The following MED13L variants were observed in gnomAD, a reference collection of about 807,000 sequenced individuals.
MED13L encodes the protein mediator of RNA polymerase II transcription subunit 13-like.
In MED13L, 7 loss-of-function variants were observed where a neutral mutation model predicts 220.9. The ratio of observed to expected loss-of-function variants is 0.03; its 90% CI spans 0.02 to 0.06. The LOEUF (loss-of-function observed/expected upper bound fraction) is 0.06. Among genes scored for constraint, MED13L ranks in the 10% least tolerant of loss-of-function variants. The probability of loss-of-function intolerance (pLI) is 1.00; values close to 1 mark genes in which losing one functional copy is unlikely to be tolerated. For missense variants in MED13L, 1,965 were observed against 2,760.5 expected (o/e 0.71, Z 6.46); for synonymous variants, 1,011 against 1,015.2 (o/e 1.00, Z 0.08).
intron 4 of MED13L, among the ~76,000 whole-genome samples, chr12:116,082,113 T>A (rs750051147): frequency 6.6e-6 from 1 of 152,208 alleles, no homozygotes; most frequent in African/African-American, 2.4e-5. Context: ...TTACTTCCAA[T>A]GACAGACTAT....
intron 2 of MED13L, among the ~76,000 whole-genome samples, chr12:116,203,415 GTT>G (rs34200641): frequency 2.1e-5 from 3 of 143,746 alleles, no homozygotes; most frequent in Admixed American, 1.4e-4. Context: ...TTTGTTTTGT[GTT>G]TTTTTTTTTG....
At chr12:116,251,757 T>C (rs1338478468) in intron 1 of MED13L, among the ~76,000 whole-genome samples, 2 of 146,992 alleles carry the variant, frequency 1.4e-5, no homozygotes, top group Non-Finnish European at 3.0e-5. Context: ...CAAGACTCTG[T>C]CTCAAAAAAA....
At chr12:116,042,547 A>C (rs1438492343) in intron 4 of MED13L, among the ~76,000 whole-genome samples, 2 of 152,258 alleles carry the variant, frequency 1.3e-5, no homozygotes, top group Non-Finnish European at 2.9e-5. Context: ...TGAAGATACC[A>C]TTCTAAAACT....
rs182422101 is a variant in MED13L, at chr12:116,073,215, A to T, written c.479+23454T>A. Among the ~76,000 whole-genome samples, 368 of 152,080 alleles carry T rather than the reference A, an allele frequency of 2.4e-3. 2 individuals carry two copies. The highest frequency in any genetic ancestry group is 4.5e-3 in the East Asian group (23 of 5,168). On this transcript the variant is annotated intron_variant, in intron 4 of 30. Transcript: ENST00000281928. Reference sequence around the variant, plus strand: ...TTTTAATTTTTAAACTCTAATTTTTAAAAAAAAGTACTTAAATCATGGAAG... The same window carrying T: ...TTTTAATTTTTAAACTCTAATTTTTTAAAAAAAGTACTTAAATCATGGAAG...
At chr12:116,227,185 G>A (rs1869090304) in intron 2 of MED13L, among the ~76,000 whole-genome samples, 2 of 152,192 alleles carry the variant, frequency 1.3e-5, no homozygotes, top group Middle Eastern at 3.4e-3. Context: ...GTAGCCTTCT[G>A]CTTCACCAAT....
At chr12:116,073,214 T>TA (rs1443333018) in intron 4 of MED13L, among the ~76,000 whole-genome samples, 3 of 151,836 alleles carry the variant, frequency 2.0e-5, no homozygotes, top group South Asian at 2.1e-4. Context: ...CTCTAATTTT[T>TA]AAAAAAAAGT....
In MED13L at chr12:115,983,111, A is replaced by C; in HGVS notation, c.4955+6T>G. On this transcript the variant is annotated splice_donor_region_variant and intron_variant, in intron 21 of 30. Coordinates refer to ENST00000281928, the MANE Select transcript of MED13L (RefSeq NM_015335.5). ...AGCCACTCATCTCAATTAGTGAATAACATACCTCTCTTGTCCATCCTGTGA... is the reference window on the plus strand; with the variant it reads ...AGCCACTCATCTCAATTAGTGAATACCATACCTCTCTTGTCCATCCTGTGA... The C allele has an allele frequency of 6.2e-7, 1 of 1,613,888 alleles. No individual in the cohort carries two copies. Among genetic ancestry groups the C allele is most frequent in the Non-Finnish European group, 8.5e-7 (1 of 1,179,924 alleles).
chr12:116,102,953 T>C (rs1565878682), intron 3 of MED13L, among the ~76,000 whole-genome samples: 1 of 151,912 alleles, frequency 6.6e-6, no homozygotes, highest in Non-Finnish European at 1.5e-5. Flanking sequence ...CCTGATCTTG[T>C]GATCCGCCTG....
chr12:116,019,670 TA>T (rs1360964826), intron 6 of MED13L, 107 bp downstream of exon 6: 6 of 1,361,352 alleles, frequency 4.4e-6, no homozygotes, highest in Non-Finnish European at 6.2e-6. Flanking sequence ...AGAATTTCTT[TA>T]AAAAGATGGG....
At chr12:116,077,052 C>T (rs1012289277) in intron 4 of MED13L, among the ~76,000 whole-genome samples, 32 of 152,304 alleles carry the variant, frequency 2.1e-4, no homozygotes, top group South Asian at 1.7e-3. Context: ...CTTACTGCTG[C>T]TTCCCTCCTC....
At chr12:116,219,826 C>T (rs1399848163) in intron 2 of MED13L, among the ~76,000 whole-genome samples, 1 of 152,166 alleles carries the variant, frequency 6.6e-6, no homozygotes, top group Non-Finnish European at 1.5e-5. Context: ...GAGACAGAGT[C>T]TCGCTCTGTC....
intron 2 of MED13L, among the ~76,000 whole-genome samples, chr12:116,190,278 A>C (rs1756563265): frequency 6.6e-6 from 1 of 152,230 alleles, no homozygotes; most frequent in African/African-American, 2.4e-5. Context: ...AAAATCATGA[A>C]TGGATGATTA....
intron 2 of MED13L, among the ~76,000 whole-genome samples, chr12:116,195,900 A>C (rs1437970729): frequency 6.6e-6 from 1 of 152,228 alleles, no homozygotes; most frequent in Non-Finnish European, 1.5e-5. Context: ...TAAAATAAGC[A>C]ATGGAAATGA....
intron 17 of MED13L, among the ~76,000 whole-genome samples, chr12:115,987,499 G>A (rs781767293): frequency 3.3e-5 from 5 of 152,050 alleles, no homozygotes; most frequent in Non-Finnish European, 7.4e-5. Context: ...ATAATAAAAG[G>A]GGAAATGGAT....
chr12:115,994,311 G>A (rs774938759), intron 16 of MED13L, among the ~76,000 whole-genome samples: 6 of 152,110 alleles, frequency 3.9e-5, no homozygotes, highest in Non-Finnish European at 8.8e-5. Context: ...TTAGCTGGGT[G>A]TGGTGGCACG....
At chr12:116,071,208 C>T (rs895290473) in intron 4 of MED13L, among the ~76,000 whole-genome samples, 2 of 151,978 alleles carry the variant, frequency 1.3e-5, no homozygotes, top group African/African-American at 2.4e-5. Flanking sequence ...AGTTCAATAT[C>T]GGCTTTACAT....
chr12:116,108,265 A>G (rs1873762822), intron 3 of MED13L, among the ~76,000 whole-genome samples: 1 of 152,132 alleles, frequency 6.6e-6, no homozygotes, highest in African/African-American at 2.4e-5. Context: ...AGGTTTTTCA[A>G]AGACTACAAC....
At chr12:116,218,660 AC>A in intron 2 of MED13L, among the ~76,000 whole-genome samples, 1 of 151,738 alleles carries the variant, frequency 6.6e-6, no homozygotes, top group Non-Finnish European at 1.5e-5. Flanking sequence ...ATAACCCAAC[AC>A]AAAATCTGTA....
chr12:116,102,609 T>G (rs1227717204), intron 3 of MED13L, among the ~76,000 whole-genome samples: 4 of 151,488 alleles, frequency 2.6e-5, no homozygotes, highest in Admixed American at 6.6e-5. Context: ...GAAATTACAA[T>G]GCTCCCAATC....
Sources: gnomAD v4.1 joint callset for allele counts (sites outside exome capture counted in the v4.1 genomes callset) on GRCh38, gnomAD v4.1.1 for gene constraint, MANE v1.5 for transcripts, NCBI Gene and HGNC (gene_info 2026-07-23, HGNC 2026-07-21) for gene names.